The following RNF115 variants were observed in gnomAD, a reference collection of about 807,000 sequenced individuals.
RNF115 encodes E3 ubiquitin-protein ligase RNF115.
In RNF115, 31 loss-of-function variants were observed where a neutral mutation model predicts 39.2. The observed-to-expected ratio is 0.79, with a 90% CI of 0.59 to 1.07. The LOEUF (loss-of-function observed/expected upper bound fraction) is 1.07, where lower values mean the gene tolerates loss of function less well. Among genes scored for constraint, RNF115 ranks in the 50% least tolerant of loss-of-function variants. The pLI is 0.00. For synonymous variants in RNF115, 124 were observed against 131.0 expected, an observed-to-expected ratio of 0.95 and a Z score of 0.37; for missense variants, 384 against 381.7, an observed-to-expected ratio of 1.01 and a Z score of -0.05.
chr1:145,791,915 T>C (rs1305594372), intron 1 of RNF115, among the ~76,000 whole-genome samples: 1 of 152,070 alleles, frequency 6.6e-6, no homozygotes, highest in African/African-American at 2.4e-5. Flanking sequence ...TGTTTCTTTT[T>C]TATTTTTTAT....
rs587621610 is a variant in RNF115, at chr1:145,760,332, G to A, written c.429-7283C>T. ...GATGCTTAGGAAGCTGAGATGGGAAGATCACTTGAGCCCAGGAAAAAATTA... is the reference window on the plus strand; with the variant it reads ...GATGCTTAGGAAGCTGAGATGGGAAAATCACTTGAGCCCAGGAAAAAATTA... On this transcript the variant is annotated intron_variant, in intron 4 of 8. Coordinates refer to ENST00000582693, the MANE Select transcript of RNF115 (RefSeq NM_014455.4). 3.3e-5 allele frequency among the ~76,000 whole-genome samples: 5 copies of A among 152,302 alleles called. 1 individual carries two copies. In the East Asian group the frequency reaches 9.6e-4, roughly 29 times the overall value.
chr1:145,795,207 G>C (rs1553719764), intron 1 of RNF115, among the ~76,000 whole-genome samples: 1 of 151,912 alleles, frequency 6.6e-6, no homozygotes, highest in Non-Finnish European at 1.5e-5. Context: ...CTCCCGGTGG[G>C]TTCACGGTCT....
chr1:145,777,186 C>G (rs1207352560), intron 3 of RNF115, among the ~76,000 whole-genome samples: 1 of 152,166 alleles, frequency 6.6e-6, no homozygotes, highest in Non-Finnish European at 1.5e-5. Context: ...CATTTGCTCA[C>G]AGAAGACAAC....
At chr1:145,807,873 T>C (rs1426968662) in intron 1 of RNF115, among the ~76,000 whole-genome samples, 1 of 152,148 alleles carries the variant, frequency 6.6e-6, no homozygotes, top group Non-Finnish European at 1.5e-5. Flanking sequence ...CAGCCTCAGA[T>C]ATCATTCCAT....
rs1244972456 is a variant in RNF115, at chr1:145,742,879, C to T, written c.*3987G>A. On this transcript the variant is annotated 3_prime_UTR_variant, in exon 9 of 9. Transcript: ENST00000582693. The stretch of plus-strand genomic sequence containing the variant: ...GCTCAAAGAAAACATTTAAGAAGCA[C>T]CTGTCGGCTGGGAGTGCTAGCTCAC... 6.6e-6 allele frequency: 1 copy of T among 152,128 alleles called. No individual in the cohort carries two copies. Among genetic ancestry groups the T allele is most frequent in the Non-Finnish European group, 1.5e-5 (1 of 68,028 alleles). The allele number at this position is 152,128 out of a possible 1,614,324, so 9.4% of individuals were successfully genotyped here.
At chr1:145,801,465 T>C (rs1401467305) in intron 1 of RNF115, among the ~76,000 whole-genome samples, 1 of 152,006 alleles carries the variant, frequency 6.6e-6, no homozygotes, top group Non-Finnish European at 1.5e-5. Flanking sequence ...CTGTGCAGGC[T>C]GAGGCAGGAG....
At chr1:145,757,539 G>A (rs1658348339) in intron 4 of RNF115, among the ~76,000 whole-genome samples, 1 of 152,170 alleles carries the variant, frequency 6.6e-6, no homozygotes, top group Non-Finnish European at 1.5e-5. Context: ...CTGGCAAGAA[G>A]CAAGCTAAGA....
intron 3 of RNF115, among the ~76,000 whole-genome samples, chr1:145,783,492 C>G (rs1182706013): frequency 6.6e-6 from 1 of 152,146 alleles, no homozygotes; most frequent in Non-Finnish European, 1.5e-5. Flanking sequence ...AAATATACTA[C>G]TAGTACAATT....
chr1:145,782,964 C>A (rs1483852397), intron 3 of RNF115, among the ~76,000 whole-genome samples: 1 of 152,162 alleles, frequency 6.6e-6, no homozygotes, highest in Non-Finnish European at 1.5e-5. Context: ...CGGGTTCAAG[C>A]GATTCTCGTG....
In RNF115 at chr1:145,780,618, TAAAAAAA is replaced by T. The variant is rs1205816224; in HGVS notation, c.219+3914_219+3920del. ...CTGGGCAACAGAGTGAGACTCCGTC[TAAAAAAA>T]AAAAAAAAAAAAAAAAAGTGAAACT... On this transcript the variant is annotated intron_variant, in intron 3 of 8. Transcript: ENST00000582693. Among the ~76,000 whole-genome samples, 314 of 64,536 alleles carry T rather than the reference TAAAAAAA, an allele frequency of 4.9e-3. 5 individuals carry two copies. In the South Asian group the frequency reaches 0.093, roughly 19 times the overall value. 42.3% of individuals were successfully genotyped at this position (64,536 alleles called of 152,430 possible).
intron 1 of RNF115, among the ~76,000 whole-genome samples, chr1:145,805,630 A>C (rs1649428512): frequency 6.6e-6 from 1 of 152,172 alleles, no homozygotes; most frequent in Non-Finnish European, 1.5e-5. Context: ...CTCATAAAGG[A>C]GATTATTTCA....
In RNF115 at chr1:145,744,698, T is replaced by C. The variant is rs1438199648; in HGVS notation, c.*2168A>G. ...GAAAAAGACCCATTAAAGAGTGGTG[T>C]TTTTGTTCTGATCATTCTAAACTGA... On this transcript the variant is annotated 3_prime_UTR_variant, in exon 9 of 9. Transcript: ENST00000582693. 1 of 152,220 alleles carries C rather than the reference T, an allele frequency of 6.6e-6. No homozygotes were observed. Among genetic ancestry groups the C allele is most frequent in the Non-Finnish European group, 1.5e-5 (1 of 68,036 alleles). 9.4% of individuals were successfully genotyped at this position (152,220 alleles called of 1,614,324 possible).
intron 3 of RNF115, among the ~76,000 whole-genome samples, chr1:145,779,154 A>G (rs974439900): frequency 2.0e-5 from 3 of 150,544 alleles, no homozygotes; most frequent in African/African-American, 7.4e-5. Flanking sequence ...TAATGTAGCC[A>G]TTAAAGAATA....
chr1:145,814,419 C>A (rs1183925133), intron 1 of RNF115, among the ~76,000 whole-genome samples: 1 of 151,900 alleles, frequency 6.6e-6, no homozygotes, highest in Non-Finnish European at 1.5e-5. Flanking sequence ...CTCGTCTCTA[C>A]TAAAAATACA....
At chr1:145,766,028 C>G (rs1407529842) in intron 4 of RNF115, among the ~76,000 whole-genome samples, 1 of 147,884 alleles carries the variant, frequency 6.8e-6, no homozygotes, top group Non-Finnish European at 1.5e-5. Flanking sequence ...ATTGATCATT[C>G]TTGGGTGTTT....
intron 1 of RNF115, among the ~76,000 whole-genome samples, chr1:145,790,103 T>G (rs587661571): frequency 1.3e-5 from 2 of 152,094 alleles, no homozygotes; most frequent in Non-Finnish European, 2.9e-5. Flanking sequence ...AGCTGAAAGG[T>G]AGAGTGTCAA....
intron 3 of RNF115, among the ~76,000 whole-genome samples, chr1:145,781,586 T>C (rs1048374413): frequency 1.3e-5 from 2 of 152,126 alleles, no homozygotes; most frequent in Admixed American, 6.5e-5. Flanking sequence ...GGTAGGCACA[T>C]TGCGGTCTAC....
chr1:145,800,092 G>A (rs1337216906), intron 1 of RNF115, among the ~76,000 whole-genome samples: 11 of 152,288 alleles, frequency 7.2e-5, no homozygotes, highest in African/African-American at 2.6e-4. Context: ...CCATGATAAA[G>A]TTTGTTTTAA....
At chr1:145,787,702 C>A (rs782261792) in intron 2 of RNF115, among the ~76,000 whole-genome samples, 1 of 151,768 alleles carries the variant, frequency 6.6e-6, no homozygotes, top group Non-Finnish European at 1.5e-5. Flanking sequence ...GCCTGGCCAA[C>A]ACGGCAAAAC....
Sources: gnomAD v4.1 joint callset for allele counts (sites outside exome capture counted in the v4.1 genomes callset) on GRCh38, gnomAD v4.1.1 for gene constraint, MANE v1.5 for transcripts, NCBI Gene and HGNC (gene_info 2026-07-23, HGNC 2026-07-21) for gene names.